PLCG2: variants seen among roughly 807,000 people sequenced by gnomAD.
The protein encoded by PLCG2 is 1-phosphatidylinositol 4,5-bisphosphate phosphodiesterase gamma-2.
PLCG2 carries 69 observed loss-of-function variants against 175.6 expected under a neutral mutation model. That is an observed-to-expected ratio of 0.39 (90% CI 0.32 to 0.48). The LOEUF (loss-of-function observed/expected upper bound fraction) is 0.48. Among genes scored for constraint, PLCG2 ranks in the 20% least tolerant of loss-of-function variants. The probability of loss-of-function intolerance (pLI) is 0.91; values close to 1 mark genes in which losing one functional copy is unlikely to be tolerated. For synonymous variants in PLCG2, 827 were observed against 624.0 expected (o/e 1.33, Z -4.85); for missense variants, 1,798 against 1,650.9 (o/e 1.09, Z -1.54).
intron 2 of PLCG2, among the ~76,000 whole-genome samples, chr16:81,824,693 G>A (rs888021435): frequency 6.6e-6 from 1 of 152,220 alleles, no homozygotes; most frequent in Non-Finnish European, 1.5e-5. Context: ...GGATCCTCTC[G>A]TAGCTGCCAT....
chr16:81,920,857 G>A (rs1421001843), intron 20 of PLCG2, among the ~76,000 whole-genome samples: 1 of 152,202 alleles, frequency 6.6e-6, no homozygotes, highest in Admixed American at 6.5e-5. Flanking sequence ...AACCTGGAAC[G>A]TGGAGTCAGG....
intron 2 of PLCG2, among the ~76,000 whole-genome samples, chr16:81,788,626 C>T (rs1911090153): frequency 6.6e-6 from 1 of 152,194 alleles, no homozygotes; most frequent in East Asian, 1.9e-4. Context: ...TGCTGCGTGG[C>T]TGCTGAACTT....
At chr16:81,748,553 G>T (rs1909747782) in intron 1 of PLCG2, among the ~76,000 whole-genome samples, 1 of 152,020 alleles carries the variant, frequency 6.6e-6, no homozygotes, top group African/African-American at 2.4e-5. Flanking sequence ...TTGGGGGAGG[G>T]GACATTAGGG....
chr16:81,786,168 A>C lies in PLCG2; in HGVS notation c.179A>C (p.Lys60Thr). The change falls in exon 2 of 33, where the codon AAG becomes ACG. Residue 60 changes from lysine to threonine, a missense_variant. Physicochemically the swap from Lys to Thr is moderately conservative, Grantham distance 78 (BLOSUM62 -1). Transcript: ENST00000564138. ...GTGGCCTGGAGCAAGACCGCTGACA[A>C]GATCGAGGGCTTCTGTGAGTACTCG... ...RQVAWSKTAD[K>T]IEGFLDIMEI... The C allele has an allele frequency of 6.2e-7, 1 of 1,613,996 alleles. No homozygotes were observed. Among genetic ancestry groups the C allele is most frequent in the Non-Finnish European group, 8.5e-7 (1 of 1,179,972 alleles).
intron 2 of PLCG2, among the ~76,000 whole-genome samples, chr16:81,758,241 G>A (rs1345971149): frequency 6.6e-6 from 1 of 152,212 alleles, no homozygotes; most frequent in Non-Finnish European, 1.5e-5. Context: ...GCCTCCCAAA[G>A]TGCTGGGATT....
intron 32 of PLCG2, 64 bp downstream of exon 32, chr16:81,956,943 C>G (rs930515858): frequency 5.8e-6 from 8 of 1,390,648 alleles, no homozygotes; most frequent in Non-Finnish European, 8.0e-6. Context: ...ATGATGGGCA[C>G]CACGGGCCAG....
Position 81,912,591 on chromosome 16 carries a change from C to T in PLCG2, c.1935-6C>T. 1 of 1,612,492 alleles carries T rather than the reference C, an allele frequency of 6.2e-7. No homozygotes were observed. The highest frequency in any genetic ancestry group is 8.5e-7 in the Non-Finnish European group (1 of 1,179,682). On this transcript the variant is annotated splice_polypyrimidine_tract_variant and splice_region_variant and intron_variant, in intron 18 of 32. Transcript: ENST00000564138. ...CCTGGTCGTTTTCCCTGGCCCTGTG[C>T]CGCAGGTGGTACTATGACAGCCTGA...
At chr16:81,803,016 A>T (rs1240643379) in intron 2 of PLCG2, among the ~76,000 whole-genome samples, 3 of 151,668 alleles carry the variant, frequency 2.0e-5, no homozygotes, top group African/African-American at 7.3e-5. Context: ...CCTCTACTTT[A>T]CTTTCCCCCA....
chr16:81,891,083 A>C (rs1490338895), intron 10 of PLCG2, among the ~76,000 whole-genome samples: 3 of 152,134 alleles, frequency 2.0e-5, no homozygotes, highest in Non-Finnish European at 4.4e-5. Context: ...GAATCGCTTC[A>C]ACCCAGGAGG....
At chr16:81,913,364 C>T (rs575688481) in intron 19 of PLCG2, among the ~76,000 whole-genome samples, 2 of 152,310 alleles carry the variant, frequency 1.3e-5, no homozygotes, top group African/African-American at 4.8e-5. Context: ...CCTTCAAGGC[C>T]TCATCTGATT....
intron 19 of PLCG2, among the ~76,000 whole-genome samples, chr16:81,914,289 C>T (rs189512935): frequency 4.7e-4 from 71 of 152,328 alleles, no homozygotes; most frequent in African/African-American, 1.7e-3. Flanking sequence ...CAGGATGCCA[C>T]CTGTATGTGC....
At chr16:81,762,591 A>T (rs1490150544) in intron 2 of PLCG2, among the ~76,000 whole-genome samples, 1 of 152,104 alleles carries the variant, frequency 6.6e-6, no homozygotes, top group Non-Finnish European at 1.5e-5. Context: ...AGTGTATAAA[A>T]TTGTCTGTAT....
intron 2 of PLCG2, among the ~76,000 whole-genome samples, chr16:81,833,919 C>T (rs761584674): frequency 6.6e-6 from 1 of 152,162 alleles, no homozygotes; most frequent in Non-Finnish European, 1.5e-5. Context: ...TCTCTGTCTG[C>T]AGAGGCTTAC....
At chr16:81,827,826 C>A (rs1159947126) in intron 2 of PLCG2, among the ~76,000 whole-genome samples, 1 of 152,062 alleles carries the variant, frequency 6.6e-6, no homozygotes, top group African/African-American at 2.4e-5. Flanking sequence ...CACGGTGGTT[C>A]ATGCCTGTAA....
chr16:81,815,036 A>G (rs571479243), intron 2 of PLCG2, among the ~76,000 whole-genome samples: 2 of 152,360 alleles, frequency 1.3e-5, no homozygotes, highest in South Asian at 2.1e-4. Flanking sequence ...CAGCCTGACA[A>G]ATCTTCCAAG....
In PLCG2 at chr16:81,892,038, C is replaced by T. The variant is rs117406804; in HGVS notation, c.986+448C>T. The stretch of plus-strand genomic sequence containing the variant: ...TGTCCTCATGTGCTGGGAGGAAGAC[C>T]TCCATTGAAAGTTAACCACAGAATA... On this transcript the variant is annotated intron_variant, in intron 11 of 32. Transcript: ENST00000564138. Among the ~76,000 whole-genome samples, 569 of 152,254 alleles carry T rather than the reference C, an allele frequency of 3.7e-3. 3 individuals carry two copies. Among genetic ancestry groups the T allele is most frequent in the Middle Eastern group, 6.8e-3 (2 of 294 alleles).
chr16:81,773,024 C>T (rs539081265), intron 2 of PLCG2, among the ~76,000 whole-genome samples: 1 of 152,322 alleles, frequency 6.6e-6, no homozygotes, highest in East Asian at 1.9e-4. Context: ...CTTGGGCATC[C>T]TCTCATGATG....
intron 17 of PLCG2, 38 bp downstream of exon 17, chr16:81,908,629 C>A (rs746563962): frequency 6.4e-7 from 1 of 1,551,652 alleles, no homozygotes; most frequent in Admixed American, 1.8e-5. Flanking sequence ...ACCTTCTTCT[C>A]CATGCCAACC....
At chr16:81,858,468 G>C (rs1906799745) in intron 4 of PLCG2, 112 bp downstream of exon 4, 1 of 775,540 alleles carries the variant, frequency 1.3e-6, no homozygotes, top group East Asian at 2.5e-5. Context: ...TTGGTTTTTT[G>C]AGGCTCGTTG....
Sources: gnomAD v4.1 joint callset for allele counts (sites outside exome capture counted in the v4.1 genomes callset) on GRCh38, gnomAD v4.1.1 for gene constraint, MANE v1.5 for transcripts, NCBI Gene and HGNC (gene_info 2026-07-23, HGNC 2026-07-21) for gene names.